The following DGKZ variants were observed in gnomAD, a reference collection of about 807,000 sequenced individuals.
The protein encoded by DGKZ is diacylglycerol kinase zeta.
A neutral mutation model predicts 142.5 loss-of-function variants in DGKZ; 45 were observed. That is an observed-to-expected ratio of 0.32 (90% confidence interval 0.25 to 0.40). The LOEUF (loss-of-function observed/expected upper bound fraction) is 0.40, where lower values mean the gene tolerates loss of function less well. Ranked by LOEUF, DGKZ falls within the 10% of genes least tolerant of loss-of-function variation. The pLI, the probability that DGKZ is intolerant of heterozygous loss-of-function variation, is 1.00. For missense variants in DGKZ, 755 were observed against 1,306.5 expected, an observed-to-expected ratio of 0.58 and a Z score of 6.51; for synonymous variants, 442 against 527.0, an observed-to-expected ratio of 0.84 and a Z score of 2.21.
intron 1 of DGKZ, among the ~76,000 whole-genome samples, chr11:46,339,259 T>A (rs892742192): frequency 6.6e-6 from 1 of 152,166 alleles, no homozygotes; most frequent in African/African-American, 2.4e-5. Flanking sequence ...GACAGGGAGA[T>A]GGGGCCGATT....
rs1944415082 is a variant in DGKZ, at chr11:46,375,310, T to C, written c.1711-122T>C. On this transcript the variant is annotated intron_variant, in intron 19 of 30. Coordinates refer to ENST00000527911, the Ensembl canonical transcript of DGKZ. ...GGGTCTCAGCCTCCCCTCTGCCCTCTGGCCAGGGGTCACTCTCACCTTTGT... is the reference window on the plus strand; with the variant it reads ...GGGTCTCAGCCTCCCCTCTGCCCTCCGGCCAGGGGTCACTCTCACCTTTGT... 4 of 1,185,184 alleles carry C rather than the reference T, an allele frequency of 3.4e-6. No homozygotes were observed. In the Admixed American group the frequency reaches 7.1e-5, roughly 21 times the overall value. 73.4% of individuals were successfully genotyped at this position (1,185,184 alleles called of 1,614,324 possible).
rs959398610 is a variant in DGKZ at position 46,373,050 on chromosome 11, G to A, written c.1275G>A (p.Glu425=). The A allele has an allele frequency of 1.3e-6, 2 of 1,543,518 alleles. No homozygotes were observed. Among genetic ancestry groups the A allele is most frequent in the Non-Finnish European group, 1.7e-6 (2 of 1,144,298 alleles). The change falls in exon 14 of 31, where the codon GAG becomes GAA. Residue 425 remains glutamate (E), a synonymous_variant. Transcript: ENST00000527911. ...TGGACCGCTGGGACCTCCACGCTGA[G>A]CCCAACCCCGAGGCAGGGCCTGAGG...
intron 1 of DGKZ, among the ~76,000 whole-genome samples, chr11:46,351,607 G>A (rs371476982): frequency 2.0e-5 from 3 of 152,202 alleles, no homozygotes; most frequent in South Asian, 2.1e-4. Flanking sequence ...GTCTGGGAGC[G>A]AAAGGAAACC....
chr11:46,333,254 G>A (rs1011056433), exon 1 of DGKZ: 2 of 1,247,348 alleles, frequency 1.6e-6, no homozygotes, highest in African/African-American at 3.1e-5. Flanking sequence ...CGCAGGAGCC[G>A]CGGGCGGAAG....
chr11:46,377,815 T>TC lies in DGKZ; in HGVS notation c.2343-378dup, dbSNP rs1234812325. On this transcript the variant is annotated intron_variant, in intron 25 of 30. Coordinates refer to ENST00000527911, the Ensembl canonical transcript of DGKZ. ...TTCTGTCATCGCTGCCTCCAACTCT[T>TC]CCCCCATCTTTCCGGAGCTCCCCCA... 19 of 314,590 alleles carry TC rather than the reference T, an allele frequency of 6.0e-5. No homozygotes were observed. The Admixed American group carries it at 8.3e-4, about 14-fold the overall frequency. The allele number at this position is 314,590 out of a possible 1,614,324, so 19.5% of individuals were successfully genotyped here.
At chr11:46,346,262 C>T (rs144995166), upstream of DGKZ, among the ~76,000 whole-genome samples, 27 of 152,332 alleles carry the variant, frequency 1.8e-4, no homozygotes, top group African/African-American at 7.2e-5. Flanking sequence ...AGGATGAAAG[C>T]GAAGGTGACA....
exon 28 of DGKZ, chr11:46,378,998 A>G: frequency 6.4e-7 from 1 of 1,562,136 alleles, no homozygotes; most frequent in Non-Finnish European, 8.6e-7. Context: ...CAGCTCCAGG[A>G]GCTGCACCGA....
chr11:46,344,655 T>C (rs1940458068), upstream of DGKZ, among the ~76,000 whole-genome samples: 1 of 152,086 alleles, frequency 6.6e-6, no homozygotes, highest in South Asian at 2.1e-4. Context: ...GGTTTCACCA[T>C]GTTGGCCAGA....
upstream of DGKZ, among the ~76,000 whole-genome samples, chr11:46,342,604 T>C (rs1422286882): frequency 6.6e-6 from 1 of 150,730 alleles, no homozygotes; most frequent in East Asian, 2.0e-4. Context: ...ATAGAACCCA[T>C]CTTGAGGCAT....
At chr11:46,371,924 C>T (rs1943991690) in intron 9 of DGKZ, 149 bp downstream of exon 9, 6 of 1,226,362 alleles carry the variant, frequency 4.9e-6, no homozygotes, top group Non-Finnish European at 5.8e-6. Flanking sequence ...GATTAGATGC[C>T]AGTTTCTGCT....
intron 1 of DGKZ, among the ~76,000 whole-genome samples, chr11:46,354,821 G>A (rs927409081): frequency 6.6e-6 from 1 of 152,166 alleles, no homozygotes; most frequent in East Asian, 1.9e-4. Flanking sequence ...CTGCATTTAG[G>A]TTTTTCCCTC....
At chr11:46,341,365 T>C (rs934874156) in intron 1 of DGKZ, among the ~76,000 whole-genome samples, 2 of 152,172 alleles carry the variant, frequency 1.3e-5, no homozygotes, top group African/African-American at 4.8e-5. Context: ...AGTCAGATGA[T>C]ACAGGAATAT....
At chr11:46,345,041 C>A (rs373035064), upstream of DGKZ, among the ~76,000 whole-genome samples, 4 of 152,300 alleles carry the variant, frequency 2.6e-5, no homozygotes. This position sits in a 1 kb window ranked among gnomAD's most constrained non-coding sequence, Gnocchi z 4.1. Flanking sequence ...GAAGAGAGCG[C>A]TCTTTGAGGG....
chr11:46,365,097 T>G, intron 1 of DGKZ: 1 of 985,212 alleles, frequency 1.0e-6, no homozygotes, highest in Non-Finnish European at 1.2e-6. Context: ...TAGGCAGGGC[T>G]GAGGTGAGCT....
At chr11:46,360,123 G>T (rs867652357) in intron 1 of DGKZ, among the ~76,000 whole-genome samples, 2 of 152,116 alleles carry the variant, frequency 1.3e-5, no homozygotes, top group African/African-American at 4.8e-5. Context: ...TGAATGCAGG[G>T]ATAGACAGGA....
chr11:46,344,517 G>C (rs537694886), upstream of DGKZ, among the ~76,000 whole-genome samples: 1 of 148,546 alleles, frequency 6.7e-6, no homozygotes, highest in Admixed American at 6.7e-5. Flanking sequence ...GCAGTGGCGC[G>C]AACTCGGCTC....
rs780196854 is a variant in DGKZ, at chr11:46,378,568, G to C, written c.2418+68G>C. ...CGGGCCCTGGGGAGCGAGGCCTCTG[G>C]GTTGGGCCAAGAGCTGACCTGCTCA... On this transcript the variant is annotated intron_variant, in intron 27 of 30. Coordinates refer to ENST00000527911, the Ensembl canonical transcript of DGKZ. The C allele has an allele frequency of 3.2e-5, 51 of 1,607,372 alleles. No individual in the cohort carries two copies. The South Asian group carries it at 5.5e-4, about 17-fold the overall frequency.
upstream of DGKZ, among the ~76,000 whole-genome samples, chr11:46,343,339 T>C (rs1940369777): frequency 6.6e-6 from 1 of 152,234 alleles, no homozygotes; most frequent in Non-Finnish European, 1.5e-5. Context: ...AAAAATATTA[T>C]GTTCCCATCA....
intron 1 of DGKZ, chr11:46,365,550 C>T (rs886157217): frequency 1.0e-6 from 1 of 985,322 alleles, no homozygotes; most frequent in Non-Finnish European, 1.2e-6. Context: ...AGTGACTCTC[C>T]AGTTCCCTGA....
Sources: allele counts gnomAD v4.1 joint callset (sites outside exome capture counted in the v4.1 genomes callset), GRCh38; gene constraint gnomAD v4.1.1; non-coding constraint Gnocchi (gnomAD v3.1); transcripts MANE v1.5; gene names NCBI Gene and HGNC (gene_info 2026-07-23, HGNC 2026-07-21).